The following CACNA2D1 variants were observed in gnomAD, a reference collection of about 807,000 sequenced individuals.
CACNA2D1 encodes voltage-dependent calcium channel subunit alpha-2/delta-1.
A neutral mutation model predicts 171.5 loss-of-function variants in CACNA2D1; 53 were observed. The observed-to-expected ratio is 0.31, with a 90% CI of 0.25 to 0.39. CACNA2D1 has a LOEUF of 0.39. CACNA2D1 is among the 10% of genes least tolerant of loss of function. The probability of loss-of-function intolerance (pLI) is 1.00; values close to 1 mark genes in which losing one functional copy is unlikely to be tolerated. For missense variants in CACNA2D1, 903 were observed against 1,299.8 expected (o/e 0.69, Z 4.69); for synonymous variants, 442 against 443.1 (o/e 1.00, Z 0.03).
chr7:82,007,383 C>T (rs1487884516), intron 16 of CACNA2D1, among the ~76,000 whole-genome samples: 1 of 152,116 alleles, frequency 6.6e-6, no homozygotes, highest in African/African-American at 2.4e-5. Flanking sequence ...TTAAAATGTG[C>T]ACACAATATT....
intron 12 of CACNA2D1, among the ~76,000 whole-genome samples, chr7:82,032,361 A>C (rs1802806765): frequency 6.6e-6 from 1 of 151,840 alleles, no homozygotes; most frequent in African/African-American, 2.4e-5. Flanking sequence ...CCTTTTTGTA[A>C]ATTTACAAAA....
At chr7:82,183,861 T>G (rs1298540696) in intron 3 of CACNA2D1, among the ~76,000 whole-genome samples, 1 of 152,108 alleles carries the variant, frequency 6.6e-6, no homozygotes, top group East Asian at 1.9e-4. Flanking sequence ...AATTTTGCAA[T>G]AATGATTTGT....
At chr7:82,294,342 A>G (rs1219511979) in intron 3 of CACNA2D1, among the ~76,000 whole-genome samples, 1 of 152,104 alleles carries the variant, frequency 6.6e-6, no homozygotes, top group Non-Finnish European at 1.5e-5. Context: ...CAGGATGGAA[A>G]TTTTAACTTG....
chr7:82,019,602 G>A (rs1800941500), intron 12 of CACNA2D1, among the ~76,000 whole-genome samples: 1 of 151,976 alleles, frequency 6.6e-6, no homozygotes, highest in Non-Finnish European at 1.5e-5. Context: ...ATCTGTTTTT[G>A]TTTTGTTTTG....
At chr7:82,429,216 T>A (rs1354256728) in intron 1 of CACNA2D1, among the ~76,000 whole-genome samples, 1 of 152,212 alleles carries the variant, frequency 6.6e-6, no homozygotes. Flanking sequence ...TGCATGTATA[T>A]TTTCTTCATA....
In CACNA2D1 at chr7:82,286,207, T is replaced by A. The variant is rs554211324; in HGVS notation, c.294+48928A>T. ...GGCTTTAATCACCTAGACAGCAACATAAAGTTGTTTTGGAAGAAAGGGTCC... is the reference window on the plus strand; with the variant it reads ...GGCTTTAATCACCTAGACAGCAACAAAAAGTTGTTTTGGAAGAAAGGGTCC... On this transcript the variant is annotated intron_variant, in intron 3 of 38. Coordinates refer to ENST00000356860, the MANE Select transcript of CACNA2D1 (RefSeq NM_000722.4). Among the ~76,000 whole-genome samples the A allele has an allele frequency of 1.4e-4, 22 of 152,228 alleles. No individual in the cohort carries two copies. In the South Asian group the frequency reaches 4.6e-3, roughly 32 times the overall value.
At chr7:82,201,705 C>T (rs569454484) in intron 3 of CACNA2D1, among the ~76,000 whole-genome samples, 15 of 152,288 alleles carry the variant, frequency 9.8e-5, no homozygotes, top group African/African-American at 3.6e-4. Flanking sequence ...CCTCTTCTCC[C>T]TGGGGCCTAC....
intron 3 of CACNA2D1, among the ~76,000 whole-genome samples, chr7:82,327,082 C>A (rs114979730): frequency 6.6e-6 from 1 of 152,178 alleles, no homozygotes; most frequent in African/African-American, 2.4e-5. Context: ...CAACAGAAAA[C>A]AATATTTCCT....
At position 82,214,146 on chromosome 7, in the gene CACNA2D1, C is replaced by A. The variant is rs143205411; in HGVS notation, c.295-43537G>T. On this transcript the variant is annotated intron_variant, in intron 3 of 38. Transcript: ENST00000356860. ...CTCCCAAAGGCCCCACTCTTTAATA[C>A]CATCACCTTGGGGATTAGGATTTCA... 6.4e-3 allele frequency among the ~76,000 whole-genome samples: 975 copies of A among 152,262 alleles called. 2 individuals carry two copies. Among genetic ancestry groups the A allele is most frequent in the Non-Finnish European group, 9.7e-3 (658 of 68,014 alleles).
At chr7:82,356,147 TA>T (rs142532934) in intron 1 of CACNA2D1, among the ~76,000 whole-genome samples, 18,281 of 152,116 alleles carry the variant, frequency 0.12, 2,061 homozygotes, top group African/African-American at 0.3. Context: ...CTAAAGTATT[TA>T]ATATGCATTC....
At position 82,084,831 on chromosome 7, in the gene CACNA2D1, T is replaced by C; in HGVS notation, c.596A>G (p.Glu199Gly). 6.2e-7 allele frequency: 1 copy of C among 1,614,036 alleles called. No individual in the cohort carries two copies. The highest frequency in any genetic ancestry group is 1.1e-5 in the South Asian group (1 of 91,080). Residue 199 changes from glutamate (E) to glycine (G), a missense_variant, in exon 7 of 39, where the codon GAA becomes GGA. Glu to Gly is a moderately conservative substitution (Grantham distance 98). This residue lies in a region of CACNA2D1 where 189 missense variants were observed against 266.8 expected (regional missense o/e 0.71). Coordinates refer to ENST00000356860, the MANE Select transcript of CACNA2D1 (RefSeq NM_000722.4). The part of the protein sequence containing the change: ...LDEVFKKNRE[E>G]DPSLLWQVFG... ...AACCTGCCACAATAATGAAGGGTCT[T>C]CCTCGCGATTCTTTTTGAAAACTTC...
rs74337968 is a variant in CACNA2D1, at chr7:82,011,451, G to A, written c.1362+703C>T. ...TGCAGATTTTTTCCAAATGAACTGT[G>A]AGGGGCAAAAAGACCCCCTTGTTGA... On this transcript the variant is annotated intron_variant, in intron 15 of 38. Coordinates refer to ENST00000356860, the MANE Select transcript of CACNA2D1 (RefSeq NM_000722.4). Among the ~76,000 whole-genome samples, 565 of 152,186 alleles carry A rather than the reference G, an allele frequency of 3.7e-3. 5 individuals carry two copies. Among genetic ancestry groups the A allele is most frequent in the African/African-American group, 0.013 (537 of 41,538 alleles).
intron 3 of CACNA2D1, among the ~76,000 whole-genome samples, chr7:82,227,739 T>C (rs1349832953): frequency 1.3e-5 from 2 of 152,216 alleles, no homozygotes; most frequent in African/African-American, 4.8e-5. Context: ...AATTTGGATG[T>C]TTTTTAACTT....
At chr7:82,035,880 TTTAA>T (rs1803239262) in intron 11 of CACNA2D1, among the ~76,000 whole-genome samples, 1 of 152,148 alleles carries the variant, frequency 6.6e-6, no homozygotes, top group Non-Finnish European at 1.5e-5. Context: ...GTTTTGAGCT[TTTAA>T]TTTTTATTAA....
At chr7:82,045,595 A>C (rs1382862021) in intron 10 of CACNA2D1, among the ~76,000 whole-genome samples, 2 of 152,196 alleles carry the variant, frequency 1.3e-5, no homozygotes, top group African/African-American at 4.8e-5. Flanking sequence ...ACATTCATTC[A>C]TGATACATTC....
rs1213869803 is a variant in CACNA2D1 at position 81,963,998 on chromosome 7, C to G, written c.2780+58G>C. 5.0e-6 allele frequency: 7 copies of G among 1,408,732 alleles called. No homozygotes were observed. In the Admixed American group the frequency reaches 1.2e-4, roughly 25 times the overall value. 87.3% of individuals were successfully genotyped at this position (1,408,732 alleles called of 1,614,324 possible). On this transcript the variant is annotated intron_variant, in intron 34 of 38. Coordinates refer to ENST00000356860, the MANE Select transcript of CACNA2D1 (RefSeq NM_000722.4). The stretch of plus-strand genomic sequence containing the variant: ...CCTAAATCCATATTTTCATCAGATG[C>G]TTTTTTATTTTACAACTTCTTTCTT...
chr7:81,963,357 A>G (rs1171616833), intron 34 of CACNA2D1, among the ~76,000 whole-genome samples: 1 of 151,746 alleles, frequency 6.6e-6, no homozygotes, highest in African/African-American at 2.4e-5. Flanking sequence ...TGATGATACA[A>G]AAAAAAAGAT....
chr7:81,983,609 A>G (rs764207999), intron 22 of CACNA2D1, among the ~76,000 whole-genome samples: 10 of 152,160 alleles, frequency 6.6e-5, no homozygotes, highest in Non-Finnish European at 1.5e-4. Context: ...CAGGTGTAAT[A>G]CCAATGACGT....
In CACNA2D1 at chr7:82,028,334, TA is replaced by T. The variant is rs536014393; in HGVS notation, c.1143+4462del. 842 of 151,352 alleles carry T rather than the reference TA, an allele frequency of 5.6e-3. 13 individuals are homozygous for T. The highest frequency in any genetic ancestry group is 0.018 in the African/African-American group (739 of 41,356). The allele number at this position is 151,352 out of a possible 1,614,324, so 9.4% of individuals were successfully genotyped here. A position where few individuals can be genotyped will look rare whatever the true frequency, so the allele number is the denominator to read the frequency against. ...TTGAGCCCACTATTGAAACATATGT[TA>T]AAAAAAAATTATTGCTCACTGACAA... On this transcript the variant is annotated intron_variant, in intron 12 of 38. Transcript: ENST00000356860.
Sources: allele counts gnomAD v4.1 joint callset (sites outside exome capture counted in the v4.1 genomes callset), GRCh38; gene constraint gnomAD v4.1.1; regional missense constraint gnomAD v4.1.1; transcripts MANE v1.5; gene names NCBI Gene and HGNC (gene_info 2026-07-23, HGNC 2026-07-21).